The following NT5DC1 variants were observed in gnomAD, a reference collection of about 807,000 sequenced individuals.
NT5DC1 encodes 5'-nucleotidase domain-containing protein 1.
NT5DC1 carries 42 observed loss-of-function variants against 59.4 expected under a neutral mutation model. That is an observed-to-expected ratio of 0.71 (90% CI 0.55 to 0.92). The LOEUF is 0.92. Among genes scored for constraint, NT5DC1 ranks in the 40% least tolerant of loss-of-function variants. The pLI is 0.00. For missense variants in NT5DC1, 501 were observed against 537.1 expected (o/e 0.93, Z 0.66); for synonymous variants, 172 against 188.1 (o/e 0.91, Z 0.70).
chr6:116,109,915 C>G (rs2114902235), intron 3 of NT5DC1, among the ~76,000 whole-genome samples: 1 of 152,282 alleles, frequency 6.6e-6, no homozygotes, highest in Non-Finnish European at 1.5e-5. Flanking sequence ...ATTTCAACTA[C>G]AGTAGTCCCT....
At chr6:116,182,493 A>G (rs1306384466) in intron 6 of NT5DC1, among the ~76,000 whole-genome samples, 1 of 152,130 alleles carries the variant, frequency 6.6e-6, no homozygotes, top group Non-Finnish European at 1.5e-5. Context: ...ACTAGTTTAC[A>G]TACCCACCAA....
chr6:116,206,392 A>C (rs932179620), intron 6 of NT5DC1, among the ~76,000 whole-genome samples: 1 of 152,048 alleles, frequency 6.6e-6, no homozygotes, highest in African/African-American at 2.4e-5. Flanking sequence ...TTTATAGATA[A>C]GCCAACAGTC....
intron 11 of NT5DC1, among the ~76,000 whole-genome samples, chr6:116,239,761 A>G (rs988675369): frequency 6.6e-6 from 1 of 152,234 alleles, no homozygotes; most frequent in African/African-American, 2.4e-5. Context: ...ACATCATTCT[A>G]GGACTCAAAT....
intron 8 of NT5DC1, among the ~76,000 whole-genome samples, chr6:116,224,844 G>A (rs1209222): frequency 0.022 from 3,392 of 152,248 alleles, 138 homozygotes; most frequent in African/African-American, 0.078. Context: ...TTGGCTGCTG[G>A]GTGGGGAATG....
In NT5DC1 at chr6:116,245,866, T is replaced by C. The variant is rs1479446690; in HGVS notation, c.*1842T>C. ...GTCAGAAGTTCTAGTATTCCCTTTA[T>C]CATTCCACCTAAAGACCCTGAACAA... On this transcript the variant is annotated 3_prime_UTR_variant, in exon 12 of 12. Transcript: ENST00000319550. 1 of 152,090 alleles carries C rather than the reference T, an allele frequency of 6.6e-6. No homozygotes were observed. The highest frequency in any genetic ancestry group is 2.4e-5 in the African/African-American group (1 of 41,434). 9.4% of individuals were successfully genotyped at this position (152,090 alleles called of 1,614,324 possible).
intron 6 of NT5DC1, among the ~76,000 whole-genome samples, chr6:116,203,230 G>T (rs958132321): frequency 6.6e-6 from 1 of 151,828 alleles, no homozygotes; most frequent in Non-Finnish European, 1.5e-5. Context: ...TTTAACACTT[G>T]TTTTTATTCT....
chr6:116,116,077 T>C (rs1778957794), intron 5 of NT5DC1, among the ~76,000 whole-genome samples: 1 of 152,134 alleles, frequency 6.6e-6, no homozygotes, highest in South Asian at 2.1e-4. Flanking sequence ...AAATAAATAG[T>C]TTCATTAGCA....
At chr6:116,143,524 T>G (rs983838771) in intron 6 of NT5DC1, among the ~76,000 whole-genome samples, 2 of 152,178 alleles carry the variant, frequency 1.3e-5, no homozygotes, top group Non-Finnish European at 2.9e-5. Context: ...TCCCACCTCT[T>G]TAATTGTTTT....
chr6:116,137,514 C>A (rs1224275255), intron 6 of NT5DC1: 1 of 207,912 alleles, frequency 4.8e-6, no homozygotes, highest in East Asian at 1.1e-4. Flanking sequence ...GAGATTCTCC[C>A]TAATGTATTT....
chr6:116,106,371 A>G (rs374327596), intron 2 of NT5DC1, 36 bp downstream of exon 2: 8 of 897,654 alleles, frequency 8.9e-6, no homozygotes, highest in African/African-American at 5.2e-5. Flanking sequence ...TTAAGTCTGT[A>G]CATTTCCTGT....
At chr6:116,171,773 TTGGG>T in intron 6 of NT5DC1, among the ~76,000 whole-genome samples, 1 of 152,338 alleles carries the variant, frequency 6.6e-6, no homozygotes, top group Middle Eastern at 3.4e-3. Flanking sequence ...TGTTGAGCAA[TTGGG>T]GTACAGAGAG....
Position 116,173,699 on chromosome 6 carries a change from T to C in NT5DC1, c.530-47355T>C, listed in dbSNP as rs117540770. Among the ~76,000 whole-genome samples the C allele has an allele frequency of 7.4e-3, 1,120 of 152,302 alleles. 7 individuals are homozygous for C. The highest frequency in any genetic ancestry group is 0.011 in the Non-Finnish European group (756 of 68,026). On this transcript the variant is annotated intron_variant, in intron 6 of 11. Transcript: ENST00000319550. ...TTTATTTATTTTTTTGGTTGTCTTA[T>C]ACACTTTGTTTTGGAATAATCCCTA...
At chr6:116,158,058 A>G (rs1200508917) in intron 6 of NT5DC1, among the ~76,000 whole-genome samples, 1 of 152,240 alleles carries the variant, frequency 6.6e-6, no homozygotes, top group Non-Finnish European at 1.5e-5. Context: ...ACATATTGGC[A>G]GCTTCAGCTC....
chr6:116,111,530 T>A (rs913943248), intron 4 of NT5DC1, among the ~76,000 whole-genome samples: 30 of 152,238 alleles, frequency 2.0e-4, no homozygotes, highest in Admixed American at 4.6e-4. Context: ...TAGTTAAATG[T>A]TTTTATAAAT....
intron 4 of NT5DC1, among the ~76,000 whole-genome samples, chr6:116,113,609 T>C (rs1314762097): frequency 6.6e-6 from 1 of 152,224 alleles, no homozygotes; most frequent in Non-Finnish European, 1.5e-5. Flanking sequence ...CAAGCCCTTG[T>C]GTCCACACAG....
intron 5 of NT5DC1, 38 bp from the exon 6 acceptor site, chr6:116,117,823 A>G: frequency 2.5e-6 from 3 of 1,195,602 alleles, no homozygotes; most frequent in Non-Finnish European, 3.7e-6. Context: ...TTAAAAACTG[A>G]ATTATTGTGT....
intron 7 of NT5DC1, 69 bp from the exon 8 acceptor site, chr6:116,222,965 C>A: frequency 2.5e-6 from 2 of 785,000 alleles, no homozygotes; most frequent in Non-Finnish European, 4.3e-6. Flanking sequence ...AAGCAAAGAT[C>A]AAGTTCTGTT....
intron 6 of NT5DC1, among the ~76,000 whole-genome samples, chr6:116,144,995 A>G (rs957791173): frequency 5.9e-5 from 9 of 152,216 alleles, no homozygotes; most frequent in African/African-American, 2.2e-4. Flanking sequence ...GTTCAATTAG[A>G]GAATGTATTA....
chr6:116,114,224 C>G (rs1371337447), intron 4 of NT5DC1, among the ~76,000 whole-genome samples: 1 of 151,908 alleles, frequency 6.6e-6, no homozygotes. Context: ...CTGGCACAGC[C>G]ATTTTGTGAA....
Sources: gnomAD v4.1 joint callset for allele counts (sites outside exome capture counted in the v4.1 genomes callset) on GRCh38, gnomAD v4.1.1 for gene constraint, MANE v1.5 for transcripts, NCBI Gene and HGNC (gene_info 2026-07-23, HGNC 2026-07-21) for gene names.